The following ADAD2 variants were observed in gnomAD, a reference collection of about 807,000 sequenced individuals.
ADAD2 encodes the protein adenosine deaminase domain-containing protein 2.
Under a neutral mutation model 54.5 loss-of-function variants are expected in ADAD2, and 60 were observed. That is an observed-to-expected ratio of 1.10 (90% CI 0.89 to 1.36). ADAD2 has a LOEUF of 1.36. Among genes scored for constraint, ADAD2 ranks in the 40% most tolerant of loss-of-function variants. ADAD2 has a pLI of 0.00. For missense variants in ADAD2, 1,103 were observed against 801.3 expected, an observed-to-expected ratio of 1.38 and a Z score of -4.54; for synonymous variants, 543 against 366.2, an observed-to-expected ratio of 1.48 and a Z score of -5.51.
At chr16:84,195,226 C>G (rs374373526) in intron 4 of ADAD2, 32 bp downstream of exon 4, 1 of 1,610,136 alleles carries the variant, frequency 6.2e-7, no homozygotes, top group Admixed American at 1.7e-5. Flanking sequence ...GCCCTGGCCC[C>G]GGCCCCCTGG....
intron 3 of ADAD2, 41 bp downstream of exon 3, chr16:84,195,021 G>A: frequency 6.2e-7 from 1 of 1,612,622 alleles, no homozygotes; most frequent in Non-Finnish European, 8.5e-7. Flanking sequence ...AGTGTCGAGG[G>A]GAGAGGCGTG....
Position 84,196,881 on chromosome 16 carries a change from C to T in ADAD2, c.1659C>T (p.Tyr553=), listed in dbSNP as rs545859225. The change falls in exon 10 of 10, where the codon TAC becomes TAT. Residue 553 remains tyrosine, a synonymous_variant. Coordinates refer to ENST00000315906, the MANE Select transcript of ADAD2 (RefSeq NM_001145400.2). ...ATCTCCCGCCCTAGGCTGGGCCCTA[C>T]CAGGAGGCTCGCAGGCAGCTGTCTC... ...KTYEAAKAGP[Y]QEARRQLSLL... 6 of 1,593,080 alleles carry T rather than the reference C, an allele frequency of 3.8e-6. No homozygotes were observed. The highest frequency in any genetic ancestry group is 3.4e-5 in the South Asian group (3 of 88,336).
In ADAD2 at chr16:84,191,505, G is replaced by A; in HGVS notation, c.275G>A (p.Gly92Glu). ...RAWENLGEQM[G>E]KAPRVPVPPA... ...TGGGAAAACTTGGGGGAACAGATGG[G>A]GAAGGCCCCGAGGGTCCCTGTGCCC... The change falls in exon 1 of 10, where the codon GGG becomes GAG. Residue 92 changes from glycine (G) to glutamate (E), a missense_variant. Transcript: ENST00000315906. 1.9e-6 allele frequency: 3 copies of A among 1,543,236 alleles called. No homozygotes were observed. In the East Asian group the frequency reaches 7.3e-5, roughly 38 times the overall value.
rs749406050 is a variant in ADAD2 at position 84,195,539 on chromosome 16, C to A, written c.894C>A (p.Phe298Leu). 14 of 1,597,002 alleles carry A rather than the reference C, an allele frequency of 8.8e-6. No individual in the cohort carries two copies. The African/African-American group carries it at 1.6e-4, about 18-fold the overall frequency. ...IARRALLRFLFRQLLLATQGG... is the reference protein window; with the variant it reads ...IARRALLRFLLRQLLLATQGG... The stretch of plus-strand genomic sequence containing the variant: ...TGCCTGTCGCTCCTAGGTTCTTGTT[C>A]CGGCAGCTCCTGCTGGCCACACAGG... Residue 298 changes from phenylalanine to leucine, a missense_variant, in exon 6 of 10, where the codon TTC becomes TTA. By Grantham distance (22) the Phe-to-Leu change is conservative. Coordinates refer to ENST00000315906, the MANE Select transcript of ADAD2 (RefSeq NM_001145400.2).
chr16:84,191,754 A>T (rs1001799514), intron 1 of ADAD2, 106 bp downstream of exon 1: 3 of 1,488,518 alleles, frequency 2.0e-6, no homozygotes, highest in Non-Finnish European at 1.8e-6. Flanking sequence ...CTTGGTCCCT[A>T]TGCTCAGAGA....
rs992860284 is a variant in ADAD2 at position 84,191,443 on chromosome 16, A to G, written c.213A>G (p.Ala71=). ...VSVLRDSGPG[A]GAGVGELGAA... is the part of the protein sequence containing the mutation. ...TGTTGAGGGACAGTGGGCCTGGGGC[A>G]GGGGCCGGAGTCGGGGAACTGGGGG... is the stretch of plus-strand genomic sequence containing the variant. The change falls in exon 1 of 10, where the codon GCA becomes GCG. Residue 71 remains alanine (A), a synonymous_variant. Coordinates refer to ENST00000315906, the MANE Select transcript of ADAD2 (RefSeq NM_001145400.2). The G allele has an allele frequency of 1.1e-5, 17 of 1,516,420 alleles. No individual in the cohort carries two copies. The African/African-American group carries it at 1.4e-4, about 12-fold the overall frequency. The allele number at this position is 1,516,420 out of a possible 1,614,324, so 93.9% of individuals were successfully genotyped here. A position where few individuals can be genotyped will look rare whatever the true frequency, so the allele number is the denominator to read the frequency against.
chr16:84,195,521 CG>C lies in ADAD2; in HGVS notation c.885-8del. On this transcript the variant is annotated splice_polypyrimidine_tract_variant and splice_region_variant and intron_variant, in intron 5 of 9. Coordinates refer to ENST00000315906, the MANE Select transcript of ADAD2 (RefSeq NM_001145400.2). The stretch of plus-strand genomic sequence containing the variant: ...GTCTTCCCAACCACCCTGTGCCTGT[CG>C]CTCCTAGGTTCTTGTTCCGGCAGCT... 6.3e-7 allele frequency: 1 copy of C among 1,599,352 alleles called. No individual in the cohort carries two copies. Among genetic ancestry groups the C allele is most frequent in the Non-Finnish European group, 8.5e-7 (1 of 1,171,444 alleles).
In ADAD2 at chr16:84,193,816, C is replaced by T. The variant is rs1036396642; in HGVS notation, c.419-626C>T. The stretch of plus-strand genomic sequence containing the variant: ...CCTGTTTAGAGCAGACAGATCTCAG[C>T]GCAGTGGGGAGTGCTGAAATGGGTT... On this transcript the variant is annotated intron_variant, in intron 1 of 9. Transcript: ENST00000315906. The T allele has an allele frequency of 3.5e-5, 20 of 573,652 alleles. No individual in the cohort carries two copies. In the South Asian group the frequency reaches 3.9e-4, roughly 11 times the overall value. The allele number at this position is 573,652 out of a possible 1,614,324, so 35.5% of individuals were successfully genotyped here.
chr16:84,197,016 C>T lies in ADAD2; in HGVS notation c.*42C>T. 6.5e-7 allele frequency: 1 copy of T among 1,544,742 alleles called. No individual in the cohort carries two copies. The highest frequency in any genetic ancestry group is 8.8e-7 in the Non-Finnish European group (1 of 1,140,968). On this transcript the variant is annotated 3_prime_UTR_variant, in exon 10 of 10. Transcript: ENST00000315906. ...ACCGAGGTCCCGGAGCCAAGCTGTA[C>T]CCCTGCTGGGGGAGTGCCCTATCTG...
rs1385110776 is a variant in ADAD2, at chr16:84,195,914, C to T, written c.1152C>T (p.Pro384=). ...TGAAGCCTGTGTGCTACGTGGCGCC[C>T]TCGCTCTGTGACACCCACGTGGGCT... ...GQLKPVCYVA[P]SLCDTHVGCL... The change falls in exon 7 of 10, where the codon CCC becomes CCT. Residue 384 remains proline (P), a synonymous_variant. Coordinates refer to ENST00000315906, the MANE Select transcript of ADAD2 (RefSeq NM_001145400.2). 6.2e-7 allele frequency: 1 copy of T among 1,600,646 alleles called. No individual in the cohort carries two copies. Among genetic ancestry groups the T allele is most frequent in the Non-Finnish European group, 8.5e-7 (1 of 1,179,656 alleles).
At position 84,195,074 on chromosome 16, in the gene ADAD2, A is replaced by C. The variant is rs776663341; in HGVS notation, c.613A>C (p.Ile205Leu). ...PPLAPLSVEN[I>L]LTHEQRCAAL... ...AGTCTCTCGCCCTGGCGCAGAGAACATCCTGACCCATGAGCAGCGCTGCGC... is the reference window on the plus strand; with the variant it reads ...AGTCTCTCGCCCTGGCGCAGAGAACCTCCTGACCCATGAGCAGCGCTGCGC... The change falls in exon 4 of 10, where the codon ATC becomes CTC. Residue 205 changes from isoleucine to leucine, a missense_variant. Transcript: ENST00000315906. The C allele has an allele frequency of 5.3e-5, 86 of 1,613,390 alleles. 1 individual carries two copies. The highest frequency in any genetic ancestry group is 7.3e-5 in the Non-Finnish European group (86 of 1,179,850).
intron 1 of ADAD2, chr16:84,193,017 T>G (rs1172522340): frequency 6.6e-6 from 1 of 152,104 alleles, no homozygotes; most frequent in Admixed American, 6.5e-5. Context: ...GCTAATTTTT[T>G]TGTGTTTTAA....
chr16:84,195,321 G>A lies in ADAD2; in HGVS notation c.759G>A (p.Val253=). 1 of 1,610,548 alleles carries A rather than the reference G, an allele frequency of 6.2e-7. No individual in the cohort carries two copies. The highest frequency in any genetic ancestry group is 2.2e-5 in the East Asian group (1 of 44,760). ...AGATCCCGCGTGCCAGGGGCCACGT[G>A]AAGGAGATCTACAAGCTGGTGGCTC... ...EREIPRARGH[V]KEIYKLVALG... is the part of the protein sequence containing the mutation. The change falls in exon 5 of 10, where the codon GTG becomes GTA. Residue 253 remains valine (V), a synonymous_variant. Transcript: ENST00000315906.
chr16:84,195,752 G>C, intron 6 of ADAD2, 55 bp downstream of exon 6: 2 of 1,536,272 alleles, frequency 1.3e-6, no homozygotes, highest in East Asian at 2.3e-5. Flanking sequence ...TTGGGCTGCT[G>C]GGTGGGGGCC....
At chr16:84,193,929 A>AC in intron 1 of ADAD2, 1 of 1,383,838 alleles carries the variant, frequency 7.2e-7, no homozygotes, top group Non-Finnish European at 9.9e-7. Flanking sequence ...TGCACCTTTG[A>AC]CCATGTGATC....
chr16:84,191,434 G>T lies in ADAD2; in HGVS notation c.204G>T (p.Gly68=). 6.6e-7 allele frequency: 1 copy of T among 1,511,996 alleles called. No individual in the cohort carries two copies. Among genetic ancestry groups the T allele is most frequent in the Non-Finnish European group, 8.8e-7 (1 of 1,133,394 alleles). The allele number at this position is 1,511,996 out of a possible 1,614,324, so 93.7% of individuals were successfully genotyped here. A position where few individuals can be genotyped will look rare whatever the true frequency, so the allele number is the denominator to read the frequency against. The stretch of plus-strand genomic sequence containing the variant: ...AGGTCTCGGTGTTGAGGGACAGTGG[G>T]CCTGGGGCAGGGGCCGGAGTCGGGG... ...WPQVSVLRDS[G]PGAGAGVGEL... is the part of the protein sequence containing the mutation. Residue 68 remains glycine (G), a synonymous_variant, in exon 1 of 10, where the codon GGG becomes GGT. Coordinates refer to ENST00000315906, the MANE Select transcript of ADAD2 (RefSeq NM_001145400.2).
At chr16:84,191,750 C>A (rs1488548432) in intron 1 of ADAD2, 102 bp downstream of exon 1, 2 of 1,505,318 alleles carry the variant, frequency 1.3e-6, no homozygotes, top group South Asian at 1.2e-5. Flanking sequence ...GGACCTTGGT[C>A]CCTATGCTCA....
chr16:84,194,057 G>A (rs765649493), intron 1 of ADAD2: 1 of 1,611,046 alleles, frequency 6.2e-7, no homozygotes, highest in East Asian at 2.2e-5. Context: ...AAAGCAATGT[G>A]TCTGTGGCAG....
rs377713078 is a variant in ADAD2 at position 84,191,658 on chromosome 16, G to T, written c.418+10G>T. The T allele has an allele frequency of 2.0e-5, 31 of 1,555,314 alleles. No individual in the cohort carries two copies. The highest frequency in any genetic ancestry group is 2.4e-5 in the Non-Finnish European group (28 of 1,150,278). On this transcript the variant is annotated intron_variant, in intron 1 of 9. Transcript: ENST00000315906. ...GAGGACCAGCCACCAGGTGAGGCCG[G>T]GCCGGGGCATGGCTGTGCCAGAGGG...
Sources: gnomAD v4.1 joint callset for allele counts on GRCh38, gnomAD v4.1.1 for gene constraint, MANE v1.5 for transcripts, NCBI Gene and HGNC (gene_info 2026-07-23, HGNC 2026-07-21) for gene names.